Variants in NLGN4Y observed in about 807,000 individuals in gnomAD.
NLGN4Y encodes the protein neuroligin 4 Y-linked.
Under a neutral mutation model 8.4 loss-of-function variants are expected in NLGN4Y, and 4 were observed. The observed-to-expected ratio is 0.48, with a 90% confidence interval of 0.23 to 1.09. NLGN4Y has a LOEUF of 1.09. Among genes scored for constraint, NLGN4Y ranks in the 50% least tolerant of loss-of-function variants. NLGN4Y has a pLI of 0.19. For missense variants in NLGN4Y, 90 were observed against 192.3 expected, an observed-to-expected ratio of 0.47 and a Z score of 3.15; for synonymous variants, 35 against 75.6, an observed-to-expected ratio of 0.46 and a Z score of 2.78.
At chrY:14,739,533 T>C in intron 4 of NLGN4Y, among the ~76,000 whole-genome samples, 1 of 33,068 alleles carries the variant, frequency 3.0e-5, no homozygotes, top group Non-Finnish European at 7.4e-5. Flanking sequence ...TGACTGGTTA[T>C]CTTAATCTTA....
At position 14,594,694 on chromosome Y, in the gene NLGN4Y, C is replaced by A; in HGVS notation, c.-111-27315C>A. ...ATTGACCCTCAAGTGATTCAGGTGA[C>A]AGGGGAGTATATTTTCTTAAGGCCT... On this transcript the variant is annotated intron_variant, in intron 1 of 6. Coordinates refer to ENST00000684976, the MANE Select transcript of NLGN4Y (RefSeq NM_001365588.1). Among the ~76,000 whole-genome samples the A allele has an allele frequency of 2.4e-4, 8 of 33,351 alleles. No individual in the cohort carries two copies. In the East Asian group the frequency reaches 6.4e-3, roughly 27 times the overall value. The allele number at this position is 33,351 out of a possible 37,273, so 89.5% of individuals were successfully genotyped here.
intron 1 of NLGN4Y, among the ~76,000 whole-genome samples, chrY:14,536,936 G>A (rs2150463283): frequency 3.0e-5 from 1 of 33,490 alleles, no homozygotes; most frequent in East Asian, 7.9e-4. Flanking sequence ...CATCATTTAT[G>A]TGGACAGATT....
At chrY:14,810,313 G>C in intron 4 of NLGN4Y, among the ~76,000 whole-genome samples, 2 of 33,786 alleles carry the variant, frequency 5.9e-5, no homozygotes. Context: ...CAGATCACTT[G>C]AGCTCAGGAG....
chrY:14,602,660 AG>A (rs2080431474), intron 1 of NLGN4Y, among the ~76,000 whole-genome samples: 1 of 33,653 alleles, frequency 3.0e-5, no homozygotes, highest in South Asian at 6.5e-4. Flanking sequence ...TGTTGTGTAA[AG>A]CTTTCTGCTT....
chrY:14,578,477 A>G, intron 1 of NLGN4Y, among the ~76,000 whole-genome samples: 2 of 33,613 alleles, frequency 6.0e-5, no homozygotes, highest in Non-Finnish European at 1.5e-4. Flanking sequence ...AAGAGGTTTA[A>G]TTGGCTCATG....
chrY:14,835,585 AAG>A (rs2043195213), intron 6 of NLGN4Y, among the ~76,000 whole-genome samples: 1 of 28,141 alleles, frequency 3.6e-5, no homozygotes, highest in East Asian at 9.6e-4. Context: ...AGAGAAAAGA[AAG>A]AGAGGAAGGG....
intron 1 of NLGN4Y, among the ~76,000 whole-genome samples, chrY:14,571,044 G>A (rs2080267490): frequency 3.1e-5 from 1 of 32,738 alleles, no homozygotes; most frequent in Non-Finnish European, 7.5e-5. Context: ...TGTGAATAGT[G>A]CAGCAATAAA....
intron 1 of NLGN4Y, among the ~76,000 whole-genome samples, chrY:14,529,974 T>C (rs2080105917): frequency 3.8e-5 from 1 of 26,051 alleles, no homozygotes; most frequent in East Asian, 9.8e-4. Flanking sequence ...TACATACATG[T>C]ATAAACACAT....
chrY:14,733,716 C>T, intron 4 of NLGN4Y, among the ~76,000 whole-genome samples: 1 of 33,112 alleles, frequency 3.0e-5, no homozygotes, highest in African/African-American at 1.2e-4. Context: ...CTGGCCACTT[C>T]GGGGCAGGCA....
At chrY:14,580,840 A>G in intron 1 of NLGN4Y, among the ~76,000 whole-genome samples, 2 of 23,157 alleles carry the variant, frequency 8.6e-5, no homozygotes, top group Non-Finnish European at 2.0e-4. Context: ...AGAGCTCCAG[A>G]CAAGCCTGGG....
intron 1 of NLGN4Y, among the ~76,000 whole-genome samples, chrY:14,621,157 A>G (rs754150762): frequency 1.6e-4 from 5 of 32,159 alleles, no homozygotes; most frequent in African/African-American, 6.1e-4. Flanking sequence ...GCACTTGAGT[A>G]GAACAAGGAA....
At position 14,719,509 on chromosome Y, in the gene NLGN4Y, G is replaced by A. The variant is rs1193290338; in HGVS notation, c.523G>A (p.Glu175Lys). 3 of 329,097 alleles carry A rather than the reference G, an allele frequency of 9.1e-6. No homozygotes were observed. Among genetic ancestry groups the A allele is most frequent in the Non-Finnish European group, 1.3e-5 (3 of 237,249 alleles). 82.1% of individuals were successfully genotyped at this position (329,097 alleles called of 400,897 possible). A position where few individuals can be genotyped will look rare whatever the true frequency, so the allele number is the denominator to read the frequency against. Reference sequence around the variant, plus strand: ...CGATATAACCAGTAATGACCATGGTGAAGATAAAGGTATTTTTTGTTTTTT... The same window carrying A: ...CGATATAACCAGTAATGACCATGGTAAAGATAAAGGTATTTTTTGTTTTTT... ...ADDITSNDHG[E>K]DKDIHEQNSK... is the part of the protein sequence containing the mutation. Residue 175 changes from glutamate to lysine, a missense_variant, in exon 3 of 7, where the codon GAA becomes AAA. Around this residue, in one of 4 missense-constraint regions of NLGN4Y, gnomAD observed 37 missense variants for 38.5 expected, o/e 0.96. Transcript: ENST00000684976.
chrY:14,536,764 T>G, intron 1 of NLGN4Y, among the ~76,000 whole-genome samples: 3 of 32,384 alleles, frequency 9.3e-5, no homozygotes, highest in Non-Finnish European at 2.3e-4. Context: ...AAGCCAGGTG[T>G]GGGTGGTGCA....
intron 2 of NLGN4Y, among the ~76,000 whole-genome samples, chrY:14,673,742 C>T (rs1603502540): frequency 2.7e-4 from 9 of 33,071 alleles, no homozygotes; most frequent in Admixed American, 2.2e-3. Context: ...ATGTTTATTG[C>T]GGCATTATTC....
intron 4 of NLGN4Y, among the ~76,000 whole-genome samples, chrY:14,811,843 T>C: frequency 3.0e-5 from 1 of 33,674 alleles, no homozygotes; most frequent in Admixed American, 2.7e-4. Context: ...GAAATCCTCA[T>C]GTTTATATGA....
At position 14,842,734 on chromosome Y, in the gene NLGN4Y, A is replaced by G. The variant is rs2043230115; in HGVS notation, c.*1472A>G. Reference sequence around the variant, plus strand: ...GGATAGAATATTAAAACTGCTTTGCATAGGTTTTTGGGGAAATTAGGATAT... The same window carrying G: ...GGATAGAATATTAAAACTGCTTTGCGTAGGTTTTTGGGGAAATTAGGATAT... On this transcript the variant is annotated 3_prime_UTR_variant, in exon 7 of 7. Transcript: ENST00000684976. 2 of 120,271 alleles carry G rather than the reference A, an allele frequency of 1.7e-5. No homozygotes were observed. Among genetic ancestry groups the G allele is most frequent in the East Asian group, 2.6e-4 (1 of 3,838 alleles). The allele number at this position is 120,271 out of a possible 400,897, so 30.0% of individuals were successfully genotyped here.
intron 1 of NLGN4Y, among the ~76,000 whole-genome samples, chrY:14,604,244 T>C (rs918861547): frequency 2.4e-4 from 8 of 33,030 alleles, no homozygotes; most frequent in Non-Finnish European, 3.7e-4. Flanking sequence ...ATCTACCATA[T>C]CTTGATTTCG....
intron 2 of NLGN4Y, among the ~76,000 whole-genome samples, chrY:14,646,021 G>A (rs2080610418): frequency 6.1e-5 from 2 of 32,763 alleles, no homozygotes; most frequent in African/African-American, 2.4e-4. Flanking sequence ...TGAAGGTTAC[G>A]GTGATGATGA....
chrY:14,747,006 G>T (rs897951574), intron 4 of NLGN4Y, among the ~76,000 whole-genome samples: 1 of 31,292 alleles, frequency 3.2e-5, no homozygotes, highest in Non-Finnish European at 7.6e-5. Flanking sequence ...CATTCATAAT[G>T]CCTCTAGAAT....
Sources: allele counts gnomAD v4.1 joint callset (sites outside exome capture counted in the v4.1 genomes callset), GRCh38; gene constraint gnomAD v4.1.1; regional missense constraint gnomAD v4.1.1; transcripts MANE v1.5; gene names NCBI Gene and HGNC (gene_info 2026-07-23, HGNC 2026-07-21).